Variants in ATR observed in about 807,000 individuals in gnomAD.
The protein encoded by ATR is ATR checkpoint kinase.
ATR carries 142 observed loss-of-function variants against 305.3 expected under a neutral mutation model. The observed-to-expected ratio is 0.47, with a 90% CI of 0.41 to 0.53. The LOEUF (loss-of-function observed/expected upper bound fraction) is 0.53. Ranked by LOEUF, ATR falls within the 20% of genes least tolerant of loss-of-function variation. The pLI is 0.00. For missense variants in ATR, 2,135 were observed against 3,133.1 expected, an observed-to-expected ratio of 0.68 and a Z score of 7.60; for synonymous variants, 1,050 against 1,068.1, an observed-to-expected ratio of 0.98 and a Z score of 0.33.
intron 5 of ATR, among the ~76,000 whole-genome samples, 178 bp from the exon 6 acceptor site, chr3:142,560,632 C>T (rs1283858900): frequency 6.6e-6 from 1 of 151,914 alleles, no homozygotes; most frequent in East Asian, 1.9e-4. Context: ...GCCATCTCGG[C>T]TCACTGCAAG....
chr3:142,510,495 A>G (rs2032497319), intron 27 of ATR, among the ~76,000 whole-genome samples: 1 of 152,270 alleles, frequency 6.6e-6, no homozygotes, highest in African/African-American at 2.4e-5. Context: ...CAAACATTCA[A>G]TAGTTAAATA....
At chr3:142,552,132 C>CA (rs1158814502) in intron 13 of ATR, among the ~76,000 whole-genome samples, 1 of 151,930 alleles carries the variant, frequency 6.6e-6, no homozygotes, top group Non-Finnish European at 1.5e-5. Context: ...ATTAAAAAGT[C>CA]AAAAAACAGA....
At chr3:142,572,546 G>A (rs916895842) in intron 1 of ATR, among the ~76,000 whole-genome samples, 8 of 152,018 alleles carry the variant, frequency 5.3e-5, no homozygotes, top group South Asian at 2.1e-4. Flanking sequence ...TCCAAGGTGG[G>A]CAGACTGCTT....
intron 45 of ATR, 43 bp downstream of exon 45, chr3:142,457,561 T>C (rs1559905094): frequency 6.2e-7 from 1 of 1,610,512 alleles, no homozygotes. Flanking sequence ...AATAATTATA[T>C]TCGAGGTTAC....
intron 36 of ATR, among the ~76,000 whole-genome samples, chr3:142,473,429 A>C (rs916698002): frequency 1.3e-5 from 2 of 152,116 alleles, no homozygotes; most frequent in Admixed American, 1.3e-4. Flanking sequence ...ATTCATTTCT[A>C]GGGTCTCTGT....
At chr3:142,543,944 T>C (rs1025225249) in intron 16 of ATR, among the ~76,000 whole-genome samples, 2 of 152,098 alleles carry the variant, frequency 1.3e-5, no homozygotes, top group African/African-American at 4.8e-5. Flanking sequence ...GTGCTGGGAT[T>C]TCAGGTGTAA....
intron 1 of ATR, among the ~76,000 whole-genome samples, chr3:142,576,670 A>T (rs2035451254): frequency 6.6e-6 from 1 of 152,256 alleles, no homozygotes; most frequent in South Asian, 2.1e-4. Context: ...TTAACTACAC[A>T]TAGGACACTC....
chr3:142,463,897 G>A (rs2071073108), intron 41 of ATR, among the ~76,000 whole-genome samples: 2 of 152,098 alleles, frequency 1.3e-5, no homozygotes, highest in African/African-American at 4.8e-5. Flanking sequence ...GGGAAAAAAA[G>A]CTTGTAGAAA....
chr3:142,554,885 G>A (rs999878515), intron 10 of ATR, among the ~76,000 whole-genome samples: 18 of 151,142 alleles, frequency 1.2e-4, no homozygotes, highest in African/African-American at 4.1e-4. Flanking sequence ...CCATGATTGC[G>A]CCACTGCACT....
Position 142,559,383 on chromosome 3 carries a change from A to C in ATR, c.1600T>G (p.Trp534Gly), listed in dbSNP as rs1249805044. Residue 534 changes from tryptophan to glycine, a missense_variant, in exon 7 of 47, where the codon TGG (tryptophan) becomes GGG (glycine). Coordinates refer to ENST00000350721, the MANE Select transcript of ATR (RefSeq NM_001184.4). ...SKKKPSVVIT[W>G]MSLDFYTKVL... ...TTTGTGTAAAAATCCAATGACATCC[A>C]AGTTATCACTACAGAAGGTTTCTTC... 6.2e-7 allele frequency: 1 copy of C among 1,613,944 alleles called. No individual in the cohort carries two copies. The highest frequency in any genetic ancestry group is 1.1e-5 in the South Asian group (1 of 91,072).
In ATR at chr3:142,496,300, A is replaced by ATG. The variant is rs1252931658; in HGVS notation, c.5898+60_5898+61insCA. The ATG allele has an allele frequency of 7.6e-5, 11 of 143,810 alleles. 2 individuals carry two copies. Among genetic ancestry groups the ATG allele is most frequent in the African/African-American group, 6.1e-4 (11 of 18,012 alleles). 8.9% of individuals were successfully genotyped at this position (143,810 alleles called of 1,614,324 possible). On this transcript the variant is annotated intron_variant, in intron 34 of 46. Coordinates refer to ENST00000350721, the MANE Select transcript of ATR (RefSeq NM_001184.4). ...CGACTATATATATATATATATATAT[A>ATG]TATATATATATATATATATATATAT... is the stretch of plus-strand genomic sequence containing the variant.
chr3:142,467,752 G>T (rs1007557036), intron 39 of ATR, among the ~76,000 whole-genome samples, 182 bp downstream of exon 39: 1 of 152,148 alleles, frequency 6.6e-6, no homozygotes, highest in East Asian at 1.9e-4. Context: ...GAAGTAAGAT[G>T]TATTAGAAAT....
At chr3:142,487,638 T>C (rs1418961714) in intron 35 of ATR, among the ~76,000 whole-genome samples, 2 of 152,216 alleles carry the variant, frequency 1.3e-5, no homozygotes, top group African/African-American at 4.8e-5. Context: ...GTTATAAACA[T>C]TCTTGTGTTT....
chr3:142,558,500 C>G (rs574833654), intron 8 of ATR, 124 bp downstream of exon 8: 1 of 881,366 alleles, frequency 1.1e-6, no homozygotes, highest in African/African-American at 1.8e-5. Flanking sequence ...CCAGCATGGG[C>G]GACAGAGTAA....
chr3:142,574,473 A>AAAG (rs2035375084), intron 1 of ATR, among the ~76,000 whole-genome samples: 3 of 151,810 alleles, frequency 2.0e-5, no homozygotes, highest in Non-Finnish European at 2.9e-5. Context: ...AAAAAAAAAA[A>AAAG]AAAAGAAAAA....
intron 19 of ATR, among the ~76,000 whole-genome samples, chr3:142,537,142 A>G (rs748584474): frequency 6.6e-6 from 1 of 152,168 alleles, no homozygotes; most frequent in Non-Finnish European, 1.5e-5. Flanking sequence ...AAGGTCTTCT[A>G]TCTTGCAGCA....
intron 36 of ATR, among the ~76,000 whole-genome samples, chr3:142,484,499 C>G (rs896459658): frequency 1.3e-5 from 2 of 152,148 alleles, no homozygotes; most frequent in Non-Finnish European, 2.9e-5. Context: ...CCGGACCCCT[C>G]CAGACCTCAC....
chr3:142,504,518 AATGGTATG>A (rs1171288616), intron 29 of ATR, among the ~76,000 whole-genome samples: 1 of 151,524 alleles, frequency 6.6e-6, no homozygotes, highest in Non-Finnish European at 1.5e-5. Flanking sequence ...GCTGGAGTGC[AATGGTATG>A]ATCTTGGCTC....
At chr3:142,466,113 G>A (rs1453882744) in intron 40 of ATR, among the ~76,000 whole-genome samples, 4 of 151,908 alleles carry the variant, frequency 2.6e-5, no homozygotes, top group Admixed American at 2.0e-4. Context: ...AAAACGTTAC[G>A]GTGAATGTGA....
Sources: allele counts gnomAD v4.1 joint callset (sites outside exome capture counted in the v4.1 genomes callset), GRCh38; gene constraint gnomAD v4.1.1; transcripts MANE v1.5; gene names NCBI Gene and HGNC (gene_info 2026-07-23, HGNC 2026-07-21).